The following MTMR11 variants were observed in gnomAD, a reference collection of about 807,000 sequenced individuals.
The protein encoded by MTMR11 is myotubularin related protein 11.
A neutral mutation model predicts 100.0 loss-of-function variants in MTMR11; 89 were observed. That is an observed-to-expected ratio of 0.89 (90% CI 0.75 to 1.06). The LOEUF (loss-of-function observed/expected upper bound fraction) is 1.06. Ranked by LOEUF, MTMR11 falls within the 50% of genes least tolerant of loss-of-function variation. The pLI, the probability that MTMR11 is intolerant of heterozygous loss-of-function variation, is 0.00. For synonymous variants in MTMR11, 336 were observed against 326.3 expected, an observed-to-expected ratio of 1.03 and a Z score of -0.32; for missense variants, 809 against 873.7, an observed-to-expected ratio of 0.93 and a Z score of 0.93.
intron 11 of MTMR11, 110 bp from the exon 12 acceptor site, chr1:149,932,124 T>C: frequency 7.2e-7 from 1 of 1,388,696 alleles, no homozygotes; most frequent in Non-Finnish European, 1.0e-6. Flanking sequence ...CTACCCCTCC[T>C]CCTTCTAAAG....
rs782495483 is a variant in MTMR11 at position 149,930,354 on chromosome 1, A to G, written c.1647+11T>C. The G allele has an allele frequency of 3.7e-6, 6 of 1,608,588 alleles. No individual in the cohort carries two copies. The East Asian group carries it at 6.7e-5, about 18-fold the overall frequency. The stretch of plus-strand genomic sequence containing the variant: ...AACGTCAAGGGAATTTAGGAAGTTT[A>G]GACACTTCACCTGTGGTCTAGGGAG... On this transcript the variant is annotated intron_variant, in intron 15 of 16. Coordinates refer to ENST00000439741, the MANE Select transcript of MTMR11 (RefSeq NM_001145862.2).
chr1:149,934,243 C>T lies in MTMR11; in HGVS notation c.631G>A (p.Ala211Thr), dbSNP rs2092696945. ...DWETERKKQAARGWRVSTVNE... is the reference protein window; with the variant it reads ...DWETERKKQATRGWRVSTVNE... Reference sequence around the variant, plus strand: ...ACCGTGCTGACCCTCCAGCCTCTGGCTGCCTGCTTCTTCCGCTCAGTCTCC... The same window carrying T: ...ACCGTGCTGACCCTCCAGCCTCTGGTTGCCTGCTTCTTCCGCTCAGTCTCC... Residue 211 changes from alanine (A) to threonine (T), a missense_variant, in exon 7 of 17, where the codon GCC (alanine) becomes ACC (threonine). Transcript: ENST00000439741. 1 of 1,614,100 alleles carries T rather than the reference C, an allele frequency of 6.2e-7. No individual in the cohort carries two copies. Among genetic ancestry groups the T allele is most frequent in the African/African-American group, 1.3e-5 (1 of 74,926 alleles).
At chr1:149,930,039 C>T in intron 15 of MTMR11, 123 bp from the exon 16 acceptor site, 3 of 1,060,598 alleles carry the variant, frequency 2.8e-6, no homozygotes, top group Non-Finnish European at 4.1e-6. Context: ...GAACTACAAG[C>T]CTCCCCATGA....
intron 1 of MTMR11, 150 bp downstream of exon 1, chr1:149,936,432 T>G (rs1437707191): frequency 7.1e-7 from 1 of 1,413,922 alleles, no homozygotes; most frequent in Non-Finnish European, 9.4e-7. Context: ...AACTTGAGAC[T>G]GAGAAAGACG....
rs587614222 is a variant in MTMR11, at chr1:149,931,461, G to A, written c.1124-35C>T. 95 of 1,540,452 alleles carry A rather than the reference G, an allele frequency of 6.2e-5. 1 individual carries two copies. The South Asian group carries it at 1.1e-3, about 19-fold the overall frequency. ...AAAGAGGAAGAAGGGACAAAGAAGA[G>A]GGGTCCAAGAAACTAGGGCAGAAGA... On this transcript the variant is annotated intron_variant, in intron 12 of 16. Coordinates refer to ENST00000439741, the MANE Select transcript of MTMR11 (RefSeq NM_001145862.2).
intron 16 of MTMR11, 88 bp from the exon 17 acceptor site, chr1:149,929,405 G>A: frequency 7.5e-7 from 1 of 1,333,630 alleles, no homozygotes; most frequent in East Asian, 2.3e-5. Flanking sequence ...CTTTAATTCT[G>A]TTTCCCCTTT....
Position 149,932,021 on chromosome 1 carries a change from G to A in MTMR11, c.1053-7C>T, listed in dbSNP as rs782197798. 2.5e-6 allele frequency: 4 copies of A among 1,610,490 alleles called. 1 individual carries two copies. The highest frequency in any genetic ancestry group is 2.2e-5 in the East Asian group (1 of 44,852). On this transcript the variant is annotated splice_polypyrimidine_tract_variant and splice_region_variant and intron_variant, in intron 11 of 16. Transcript: ENST00000439741. ...GGCCTTTCGAAGACAAGCCCTGGAG[G>A]AGCAGGTGAGGAAGAGGGAGGAAGA... is the stretch of plus-strand genomic sequence containing the variant.
chr1:149,931,275 A>G lies in MTMR11; in HGVS notation c.1275T>C (p.Thr425=). Residue 425 remains threonine (T), a synonymous_variant, in exon 13 of 17, where the codon ACT becomes ACC. Transcript: ENST00000439741. ...GHPFLTRLGG[T]GASEEAPVFL... ...TCATTCTCACCTCTTCACTGGCCCC[A>G]GTTCCCCCAAGCCGAGTCAGGAAGG... The G allele has an allele frequency of 1.2e-6, 2 of 1,614,062 alleles. No homozygotes were observed. The highest frequency in any genetic ancestry group is 1.7e-6 in the Non-Finnish European group (2 of 1,180,002).
chr1:149,931,532 G>A lies in MTMR11; in HGVS notation c.1124-106C>T. The A allele has an allele frequency of 3.7e-6, 4 of 1,073,646 alleles. No individual in the cohort carries two copies. In the South Asian group the frequency reaches 5.0e-5, roughly 13 times the overall value. 66.5% of individuals were successfully genotyped at this position (1,073,646 alleles called of 1,614,324 possible). On this transcript the variant is annotated intron_variant, in intron 12 of 16. Transcript: ENST00000439741. ...CAAGGAGAAGTGAGAGGCACAGAGG[G>A]GAAAGGTTTGGGGTAGGAGGATTGA...
Position 149,929,232 on chromosome 1 carries a change from A to G in MTMR11, c.2027T>C (p.Ile676Thr), listed in dbSNP as rs782312941. 1.2e-6 allele frequency: 2 copies of G among 1,614,114 alleles called. No individual in the cohort carries two copies. The highest frequency in any genetic ancestry group is 1.1e-5 in the South Asian group (1 of 91,072). The change falls in exon 17 of 17, where the codon ATA (isoleucine) becomes ACA (threonine). Residue 676 changes from isoleucine (I) to threonine (T), a missense_variant. Transcript: ENST00000439741. Reference sequence around the variant, plus strand: ...TTTCTTGGAGTGATCCTCAGGAGATATTCTTGGTGTCCATTTCCGTAATAA... The same window carrying G: ...TTTCTTGGAGTGATCCTCAGGAGATGTTCTTGGTGTCCATTTCCGTAATAA... The part of the protein sequence containing the change: ...QELLRKWTPR[I>T]SPEDHSKKRD...
chr1:149,929,394 TC>T (rs1553766859), intron 16 of MTMR11, 77 bp from the exon 17 acceptor site: 1 of 1,374,280 alleles, frequency 7.3e-7, no homozygotes, highest in African/African-American at 1.4e-5. Context: ...ACTTCTGGTG[TC>T]TTTAATTCTG....
chr1:149,931,423 C>A lies in MTMR11; in HGVS notation c.1127G>T (p.Arg376Leu). Residue 376 changes from arginine (R) to leucine (L), a missense_variant, in exon 13 of 17, where the codon CGC (arginine) becomes CTC (leucine). Physicochemically the swap from Arg to Leu is moderately radical, Grantham distance 102. Coordinates refer to ENST00000439741, the MANE Select transcript of MTMR11 (RefSeq NM_001145862.2). ...SRVRSVILQERGDRDLNGLLS... is the reference protein window; with the variant it reads ...SRVRSVILQELGDRDLNGLLS... ...GAGGCCATTGAGATCACGATCACCGCGCTCTGGGTGATAAAGAGGAAGAAG... is the reference window on the plus strand; with the variant it reads ...GAGGCCATTGAGATCACGATCACCGAGCTCTGGGTGATAAAGAGGAAGAAG... 6.3e-7 allele frequency: 1 copy of A among 1,590,152 alleles called. No individual in the cohort carries two copies. Among genetic ancestry groups the A allele is most frequent in the Admixed American group, 1.8e-5 (1 of 56,004 alleles).
intron 2 of MTMR11, among the ~76,000 whole-genome samples, chr1:149,935,937 G>A (rs1463953872): frequency 1.3e-5 from 2 of 152,200 alleles, no homozygotes; most frequent in African/African-American, 2.4e-5. Context: ...TATCGAATAA[G>A]TAAATTTGAA....
chr1:149,932,406 G>T, intron 10 of MTMR11, 76 bp from the exon 11 acceptor site: 1 of 1,192,754 alleles, frequency 8.4e-7, no homozygotes, highest in Non-Finnish European at 1.2e-6. Flanking sequence ...TAGCCTGCTG[G>T]GTTAAGAACA....
At chr1:149,930,278 C>A in intron 15 of MTMR11, 87 bp downstream of exon 15, 1 of 1,361,362 alleles carries the variant, frequency 7.3e-7, no homozygotes, top group Non-Finnish European at 1.0e-6. Flanking sequence ...CTAAGGAACT[C>A]AAGACATTTT....
In MTMR11 at chr1:149,932,285, G is replaced by A. The variant is rs1022994804; in HGVS notation, c.1031C>T (p.Thr344Ile). Residue 344 changes from threonine to isoleucine, a missense_variant, in exon 11 of 17, where the codon ACA (threonine) becomes ATA (isoleucine). By Grantham distance (89) the Thr-to-Ile change is moderately conservative. Coordinates refer to ENST00000439741, the MANE Select transcript of MTMR11 (RefSeq NM_001145862.2). ...EDKWLSALEG[T>I]RWLDYVRACL... ...GTACCTGACATAGTCCAGCCATCGTGTTCCTTCCAGGGCTGAAAGCCATTT... is the reference window on the plus strand; with the variant it reads ...GTACCTGACATAGTCCAGCCATCGTATTCCTTCCAGGGCTGAAAGCCATTT... The A allele has an allele frequency of 1.1e-5, 17 of 1,613,952 alleles. No individual in the cohort carries two copies. In the Admixed American group the frequency reaches 2.3e-4, roughly 22 times the overall value.
Position 149,934,201 on chromosome 1 carries a change from C to T in MTMR11, c.673G>A (p.Val225Ile), listed in dbSNP as rs782665878. Residue 225 changes from valine to isoleucine, a missense_variant, in exon 7 of 17, where the codon GTA (valine) becomes ATA (isoleucine). Transcript: ENST00000439741. ...RVSTVNERFD[V>I]ATSLPRYFWV... ...GCACTGGGGGATCACCTGGTGGCTA[C>T]GTCGAACCTCTCGTTGACCGTGCTG... 6.8e-6 allele frequency: 11 copies of T among 1,613,972 alleles called. No individual in the cohort carries two copies. The East Asian group carries it at 2.2e-4, about 33-fold the overall frequency.
intron 15 of MTMR11, 153 bp downstream of exon 15, chr1:149,930,212 A>G: frequency 3.6e-6 from 3 of 824,752 alleles, no homozygotes; most frequent in South Asian, 1.8e-5. Flanking sequence ...CTGTCTTCCT[A>G]GGGACACCCA....
chr1:149,933,433 G>C lies in MTMR11; in HGVS notation c.958C>G (p.Leu320Val), dbSNP rs781926666. 16 of 1,614,062 alleles carry C rather than the reference G, an allele frequency of 9.9e-6. No homozygotes were observed. Among genetic ancestry groups the C allele is most frequent in the Admixed American group, 1.7e-5 (1 of 60,002 alleles). The part of the protein sequence containing the change: ...PSLADVQLAH[L>V]RLRALCLPDS... Reference sequence around the variant, plus strand: ...GGCAGGCAGAGGGCCCTCAGCCTCAGGTGGGCAAGTTGGACATCTGCAAGG... The same window carrying C: ...GGCAGGCAGAGGGCCCTCAGCCTCACGTGGGCAAGTTGGACATCTGCAAGG... Residue 320 changes from leucine to valine, a missense_variant, in exon 10 of 17, where the codon CTG (leucine) becomes GTG (valine). Leu to Val is a conservative substitution (Grantham distance 32). Coordinates refer to ENST00000439741, the MANE Select transcript of MTMR11 (RefSeq NM_001145862.2).
Sources: allele counts gnomAD v4.1 joint callset (sites outside exome capture counted in the v4.1 genomes callset), GRCh38; gene constraint gnomAD v4.1.1; transcripts MANE v1.5; gene names NCBI Gene and HGNC (gene_info 2026-07-23, HGNC 2026-07-21).